Variants in SELENOT observed in about 807,000 individuals in gnomAD.
SELENOT encodes the protein selenoprotein T.
A neutral mutation model predicts 24.3 loss-of-function variants in SELENOT; 9 were observed. That is an observed-to-expected ratio of 0.37 (90% CI 0.22 to 0.65). The LOEUF is 0.65. SELENOT is among the 30% of genes least tolerant of loss of function. The pLI is 0.60. For missense variants in SELENOT, 166 were observed against 247.6 expected (o/e 0.67, Z 2.21); for synonymous variants, 81 against 86.0 (o/e 0.94, Z 0.32).
intron 1 of SELENOT, among the ~76,000 whole-genome samples, chr3:150,610,081 A>G (rs1726056237): frequency 6.6e-6 from 1 of 152,238 alleles, no homozygotes; most frequent in African/African-American, 2.4e-5. Context: ...GAATGATATC[A>G]AAGATTCCTA....
chr3:150,614,639 G>A (rs1726172488), intron 1 of SELENOT: 2 of 154,132 alleles, frequency 1.3e-5, no homozygotes, highest in South Asian at 4.1e-4. Context: ...GATAGGTATA[G>A]GAAAGAGGTA....
At chr3:150,617,229 A>T (rs1231764368) in intron 1 of SELENOT, among the ~76,000 whole-genome samples, 5 of 152,164 alleles carry the variant, frequency 3.3e-5, no homozygotes, top group Non-Finnish European at 7.4e-5. Flanking sequence ...TCTCTTGCCA[A>T]CCTGTGTTTC....
chr3:150,608,492 T>C (rs966779078), intron 1 of SELENOT, among the ~76,000 whole-genome samples: 8 of 152,150 alleles, frequency 5.3e-5, no homozygotes, highest in Admixed American at 5.2e-4. Context: ...TGTAGCCACG[T>C]TTAGTGGCTT....
At position 150,623,050 on chromosome 3, in the gene SELENOT, G is replaced by C; in HGVS notation, c.256G>C (p.Ala86Pro). Residue 86 changes from alanine (A) to proline (P), a missense_variant, in exon 3 of 6, where the codon GCA (alanine) becomes CCA (proline). Transcript: ENST00000471696. ...YLPQPIYRHI[A>P]SFLSVFKLVL... ...TTTCTTTTCTTTTGATAGACACATA[G>C]CATCTTTCCTGTCAGTCTTCAAACT... 6.4e-7 allele frequency: 1 copy of C among 1,559,266 alleles called. No homozygotes were observed. Among genetic ancestry groups the C allele is most frequent in the Non-Finnish European group, 8.7e-7 (1 of 1,155,320 alleles).
chr3:150,603,397 C>T lies in SELENOT; in HGVS notation c.35C>T (p.Ser12Phe). The T allele has an allele frequency of 6.2e-7, 1 of 1,613,156 alleles. No individual in the cohort carries two copies. The change falls in exon 1 of 6, where the codon TCT becomes TTT. Residue 12 changes from serine to phenylalanine, a missense_variant. By Grantham distance (155) the Ser-to-Phe change is radical. This residue lies in a region of SELENOT where 46 missense variants were observed against 49.3 expected (regional missense o/e 0.93). Transcript: ENST00000471696. The part of the protein sequence containing the change: ...RLLLLLLVAA[S>F]AMVRSEASAN... Reference sequence around the variant, plus strand: ...CTGCTGCTTCTCCTAGTGGCGGCGTCTGCGATGGTCCGGAGCGAGGCCTCG... The same window carrying T: ...CTGCTGCTTCTCCTAGTGGCGGCGTTTGCGATGGTCCGGAGCGAGGCCTCG...
intron 1 of SELENOT, among the ~76,000 whole-genome samples, chr3:150,617,371 C>T (rs1340239493): frequency 2.0e-5 from 3 of 152,058 alleles, no homozygotes; most frequent in South Asian, 2.1e-4. Context: ...GAGGCCGAAG[C>T]GGGAGGATCA....
chr3:150,603,442 C>A lies in SELENOT; in HGVS notation c.80C>A (p.Pro27His), dbSNP rs781276364. 3.7e-6 allele frequency: 6 copies of A among 1,613,050 alleles called. No homozygotes were observed. Among genetic ancestry groups the A allele is most frequent in the Non-Finnish European group, 5.1e-6 (6 of 1,179,386 alleles). The change falls in exon 1 of 6, where the codon CCC (proline) becomes CAC (histidine). Residue 27 changes from proline to histidine, a missense_variant. Physicochemically the swap from Pro to His is moderately conservative, Grantham distance 77. Coordinates refer to ENST00000471696, the MANE Select transcript of SELENOT (RefSeq NM_016275.5). The part of the protein sequence containing the change: ...SEASANLGGV[P>H]SKRLKMQYAT... ...GCCTCGGCCAATCTGGGCGGCGTGC[C>A]CAGCAAGAGATTAAAGATGCAGTAC...
In SELENOT at chr3:150,628,397, T is replaced by G. The variant is rs900276278; in HGVS notation, c.*768T>G. The G allele has an allele frequency of 2.9e-4, 44 of 152,636 alleles. No homozygotes were observed. The highest frequency in any genetic ancestry group is 9.4e-4 in the African/African-American group (39 of 41,456). 9.5% of individuals were successfully genotyped at this position (152,636 alleles called of 1,614,324 possible). Reference sequence around the variant, plus strand: ...ATGAGTTAAATTTAAAAGTTTCAATTTATTGCTCAGTGTACCTGTTAACAT... The same window carrying G: ...ATGAGTTAAATTTAAAAGTTTCAATGTATTGCTCAGTGTACCTGTTAACAT... On this transcript the variant is annotated 3_prime_UTR_variant, in exon 6 of 6. Coordinates refer to ENST00000471696, the MANE Select transcript of SELENOT (RefSeq NM_016275.5).
intron 1 of SELENOT, among the ~76,000 whole-genome samples, chr3:150,621,054 T>C (rs1213551824): frequency 6.6e-6 from 1 of 152,178 alleles, no homozygotes; most frequent in Non-Finnish European, 1.5e-5. Context: ...AAGCCCAGCA[T>C]GTAGTGAGAA....
At chr3:150,611,789 T>TC (rs1410783353) in intron 1 of SELENOT, 7 of 1,089,800 alleles carry the variant, frequency 6.4e-6, no homozygotes, top group Admixed American at 2.4e-5. Context: ...GCCCGGCCCC[T>TC]CAGCCCCGAT....
intron 1 of SELENOT, among the ~76,000 whole-genome samples, chr3:150,617,783 C>A (rs202242598): frequency 1.3e-5 from 2 of 150,508 alleles, no homozygotes; most frequent in Non-Finnish European, 3.0e-5. Flanking sequence ...TAAAAAAAAA[C>A]AAAAAAAAAC....
At chr3:150,604,562 A>G (rs1001825822) in intron 1 of SELENOT, among the ~76,000 whole-genome samples, 4 of 152,216 alleles carry the variant, frequency 2.6e-5, no homozygotes, top group African/African-American at 9.7e-5. Flanking sequence ...TTCATGTATT[A>G]GTATATTAAA....
intron 1 of SELENOT, 182 bp downstream of exon 1, chr3:150,603,681 T>G: frequency 1.6e-6 from 1 of 643,428 alleles, no homozygotes; most frequent in Admixed American, 3.3e-5. Flanking sequence ...CGCCCTCCTT[T>G]TCCAGGTATA....
chr3:150,611,851 C>G, intron 1 of SELENOT: 1 of 944,854 alleles, frequency 1.1e-6, no homozygotes, highest in Non-Finnish European at 1.6e-6. Flanking sequence ...TGCCGCCTCC[C>G]CACTGCCCAG....
At chr3:150,615,136 A>G (rs1726182729) in intron 1 of SELENOT, among the ~76,000 whole-genome samples, 1 of 148,098 alleles carries the variant, frequency 6.8e-6, no homozygotes, top group Admixed American at 6.8e-5. Flanking sequence ...TGTTCTTGCA[A>G]TAGTTTACTG....
intron 2 of SELENOT, 24 bp from the exon 3 acceptor site, chr3:150,623,019 A>G (rs1176894957): frequency 6.7e-7 from 1 of 1,495,670 alleles, no homozygotes; most frequent in Non-Finnish European, 8.9e-7. Flanking sequence ...GCTTCTGATG[A>G]TTTTCTTTCT....
At chr3:150,604,436 A>G (rs865821189) in intron 1 of SELENOT, among the ~76,000 whole-genome samples, 12 of 152,154 alleles carry the variant, frequency 7.9e-5, no homozygotes, top group Middle Eastern at 3.2e-3. Flanking sequence ...CAAAGATGAC[A>G]TTTTCTCAGG....
intron 1 of SELENOT, among the ~76,000 whole-genome samples, chr3:150,616,143 C>A: frequency 6.7e-6 from 1 of 148,898 alleles, no homozygotes; most frequent in Non-Finnish European, 1.5e-5. Flanking sequence ...AATTGGCTAG[C>A]CATATGTAGA....
intron 1 of SELENOT, among the ~76,000 whole-genome samples, chr3:150,605,289 A>G (rs191397165): frequency 6.4e-4 from 98 of 152,144 alleles, no homozygotes; most frequent in African/African-American, 2.0e-3. Context: ...TCTTGGTTGT[A>G]TTTTTGCTTT....
Sources: allele counts gnomAD v4.1 joint callset (sites outside exome capture counted in the v4.1 genomes callset), GRCh38; gene constraint gnomAD v4.1.1; regional missense constraint gnomAD v4.1.1; transcripts MANE v1.5; gene names NCBI Gene and HGNC (gene_info 2026-07-23, HGNC 2026-07-21).